Variants in UTS2B observed in about 807,000 individuals in gnomAD.
The protein encoded by UTS2B is urotensin-2B.
In UTS2B, 21 loss-of-function variants were observed where a neutral mutation model predicts 19.2. The ratio of observed to expected loss-of-function variants is 1.09; its 90% CI spans 0.78 to 1.58. UTS2B has a LOEUF of 1.58. Ranked by LOEUF, UTS2B falls within the 40% of genes most tolerant of loss-of-function variation. UTS2B has a pLI of 0.00. For missense variants in UTS2B, 138 were observed against 130.3 expected, an observed-to-expected ratio of 1.06 and a Z score of -0.29; for synonymous variants, 57 against 50.2, an observed-to-expected ratio of 1.14 and a Z score of -0.58.
intron 2 of UTS2B, 75 bp from the exon 3 acceptor site, chr3:191,316,514 CCTG>C (rs1300787548): frequency 1.3e-5 from 2 of 152,088 alleles, no homozygotes; most frequent in African/African-American, 4.8e-5. Context: ...AGCTCAGCAG[CCTG>C]CTTTTATTCC....
intron 2 of UTS2B, among the ~76,000 whole-genome samples, chr3:191,321,459 G>A (rs1272869822): frequency 6.6e-6 from 1 of 152,196 alleles, no homozygotes; most frequent in East Asian, 1.9e-4. Flanking sequence ...TATATGAATT[G>A]CCTGAAATAT....
At chr3:191,340,436 G>A in the UTS2B span, among the ~76,000 whole-genome samples, 1 of 152,206 alleles carries the variant, frequency 6.6e-6, no homozygotes, top group Admixed American at 6.5e-5. Context: ...ACAGAATTAG[G>A]AAACTACATT....
intron 8 of UTS2B, among the ~76,000 whole-genome samples, chr3:191,275,028 T>G (rs932649809): frequency 2.6e-5 from 4 of 152,228 alleles, no homozygotes; most frequent in African/African-American, 9.6e-5. Flanking sequence ...GGACCTATTT[T>G]ATTTAAACCT....
chr3:191,316,982 A>G (rs1717474140), intron 2 of UTS2B, among the ~76,000 whole-genome samples: 1 of 152,348 alleles, frequency 6.6e-6, no homozygotes, highest in South Asian at 2.1e-4. Context: ...CTGCCGGCGG[A>G]GCCTCCCGTT....
intron 2 of UTS2B, among the ~76,000 whole-genome samples, chr3:191,327,904 C>T (rs1576940534): frequency 6.6e-6 from 1 of 152,230 alleles, no homozygotes; most frequent in South Asian, 2.1e-4. Flanking sequence ...CTTCTTATTC[C>T]CACATTTAAC....
At chr3:191,329,373 C>G in intron 1 of UTS2B, 1 of 354,384 alleles carries the variant, frequency 2.8e-6, no homozygotes. Flanking sequence ...TCTCTCCCTC[C>G]GTACTGGACG....
intron 1 of UTS2B, chr3:191,329,547 C>T (rs1717870343): frequency 1.1e-5 from 10 of 875,138 alleles, no homozygotes; most frequent in Non-Finnish European, 1.5e-5. Context: ...CTCCGTTCTC[C>T]GGCCTGCGAG....
chr3:191,342,638 C>G, the UTS2B span, among the ~76,000 whole-genome samples: 145 of 152,180 alleles, frequency 9.5e-4, no homozygotes, highest in Middle Eastern at 3.4e-3. Flanking sequence ...AGATGGGTGG[C>G]TTTTCTTTCT....
chr3:191,322,865 C>T (rs1717645271), intron 2 of UTS2B, among the ~76,000 whole-genome samples: 1 of 152,146 alleles, frequency 6.6e-6, no homozygotes, highest in African/African-American at 2.4e-5. Flanking sequence ...CTTCTGAGCC[C>T]CTTGAGTGCT....
intron 8 of UTS2B, among the ~76,000 whole-genome samples, chr3:191,271,950 G>C (rs958486057): frequency 1.2e-4 from 19 of 152,110 alleles, no homozygotes; most frequent in Non-Finnish European, 2.5e-4. Flanking sequence ...AGACTTCTCT[G>C]TATTTCCTAG....
chr3:191,330,295 AAACAC>A (rs1717926551), intron 1 of UTS2B, 114 bp downstream of exon 1: 1 of 106,212 alleles, frequency 9.4e-6, no homozygotes, highest in African/African-American at 4.5e-5. Flanking sequence ...CTTACAAACA[AAACAC>A]ACACACACAC....
At chr3:191,297,913 C>T (rs987285795) in intron 4 of UTS2B, among the ~76,000 whole-genome samples, 2 of 152,190 alleles carry the variant, frequency 1.3e-5, no homozygotes, top group Non-Finnish European at 2.9e-5. Context: ...TTCTTGGTCA[C>T]CTGCTTTAGA....
intron 2 of UTS2B, among the ~76,000 whole-genome samples, chr3:191,317,005 C>A (rs999713697): frequency 6.6e-6 from 1 of 152,262 alleles, no homozygotes; most frequent in Non-Finnish European, 1.5e-5. Context: ...TCCCGCACTG[C>A]GTGCCTGCAC....
At chr3:191,300,297 C>T (rs1716961846) in intron 4 of UTS2B, among the ~76,000 whole-genome samples, 1 of 152,028 alleles carries the variant, frequency 6.6e-6, no homozygotes, top group African/African-American at 2.4e-5. Flanking sequence ...ATCCGCCCAC[C>T]TCAGCCTCCC....
chr3:191,341,351 A>G, the UTS2B span, among the ~76,000 whole-genome samples: 3 of 152,178 alleles, frequency 2.0e-5, no homozygotes, highest in African/African-American at 7.2e-5. Context: ...TAGTCCTCAC[A>G]ACATTTATCC....
rs375149827 is a variant in UTS2B at position 191,308,077 on chromosome 3, G to A, written c.-181-3529C>T. On this transcript the variant is annotated intron_variant, in intron 3 of 8. Coordinates refer to ENST00000340524, the MANE Select transcript of UTS2B (RefSeq NM_198152.5). ...TCTCAAACTCCTGACCTCGTGATCT[G>A]CCCACCTTGGCCTCCCAAAGTGCTG... Among the ~76,000 whole-genome samples the A allele has an allele frequency of 2.0e-3, 309 of 152,210 alleles. 2 individuals are homozygous for A. The highest frequency in any genetic ancestry group is 6.9e-3 in the African/African-American group (288 of 41,520).
chr3:191,326,808 C>G lies in UTS2B; in HGVS notation c.-586+1823G>C, dbSNP rs150092734. On this transcript the variant is annotated intron_variant, in intron 2 of 8. Coordinates refer to ENST00000340524, the MANE Select transcript of UTS2B (RefSeq NM_198152.5). Reference sequence around the variant, plus strand: ...GCTAGAAGTTGCCTACTCTGTAATGCTGAGCTCTAATTGTTTGCTCAGCTT... The same window carrying G: ...GCTAGAAGTTGCCTACTCTGTAATGGTGAGCTCTAATTGTTTGCTCAGCTT... 3.9e-5 allele frequency among the ~76,000 whole-genome samples: 6 copies of G among 152,328 alleles called. No individual in the cohort carries two copies. The East Asian group carries it at 9.7e-4, about 25-fold the overall frequency.
Position 191,267,817 on chromosome 3 carries a change from T to C in UTS2B, c.*599A>G, listed in dbSNP as rs1372180294. 1.3e-5 allele frequency: 2 copies of C among 151,876 alleles called. No homozygotes were observed. The highest frequency in any genetic ancestry group is 2.9e-5 in the Non-Finnish European group (2 of 67,836). The allele number at this position is 151,876 out of a possible 1,614,324, so 9.4% of individuals were successfully genotyped here. A position where few individuals can be genotyped will look rare whatever the true frequency, so the allele number is the denominator to read the frequency against. ...ATAAGAATTTACAATATACTGTGTG[T>C]GTAATTTCTAACAGAGCCTTAAAAC... On this transcript the variant is annotated 3_prime_UTR_variant, in exon 9 of 9. Coordinates refer to ENST00000340524, the MANE Select transcript of UTS2B (RefSeq NM_198152.5).
At chr3:191,301,781 G>C (rs546954245) in intron 4 of UTS2B, among the ~76,000 whole-genome samples, 1 of 152,118 alleles carries the variant, frequency 6.6e-6, no homozygotes, top group Non-Finnish European at 1.5e-5. Context: ...GAGCCACCAC[G>C]CCCGGCCAAT....
Sources: gnomAD v4.1 joint callset for allele counts (sites outside exome capture counted in the v4.1 genomes callset) on GRCh38, gnomAD v4.1.1 for gene constraint, MANE v1.5 for transcripts, NCBI Gene and HGNC (gene_info 2026-07-23, HGNC 2026-07-21) for gene names.